Variants in PRRC2C observed in about 807,000 individuals in gnomAD.
PRRC2C encodes protein PRRC2C.
In PRRC2C, 72 loss-of-function variants were observed where a neutral mutation model predicts 317.2. The observed-to-expected ratio is 0.23, with a 90% confidence interval of 0.19 to 0.28. The LOEUF is 0.28. Ranked by LOEUF, PRRC2C falls within the 10% of genes least tolerant of loss-of-function variation. The probability of loss-of-function intolerance (pLI) is 1.00; values close to 1 mark genes in which losing one functional copy is unlikely to be tolerated. For synonymous variants in PRRC2C, 1,296 were observed against 1,205.9 expected (o/e 1.07, Z -1.55); for missense variants, 3,074 against 3,459.7 (o/e 0.89, Z 2.80).
intron 18 of PRRC2C, among the ~76,000 whole-genome samples, 192 bp downstream of exon 18, chr1:171,550,432 A>T (rs911077837): frequency 1.3e-4 from 19 of 150,926 alleles, no homozygotes; most frequent in Non-Finnish European, 2.1e-4. Context: ...TAAGGACTGT[A>T]GCTCCTTATA....
rs537408787 is a variant in PRRC2C at position 171,557,022 on chromosome 1, T to TAG, written c.5128-217_5128-216insGA. Among the ~76,000 whole-genome samples, 109 of 152,358 alleles carry TAG rather than the reference T, an allele frequency of 7.2e-4. 1 individual carries two copies. Among genetic ancestry groups the TAG allele is most frequent in the Non-Finnish European group, 1.2e-3 (79 of 68,042 alleles). ...CTTGAATTTCAGAATTATGTACCTG[T>TAG]ATGTCAAGAATGTACAATACCTATT... On this transcript the variant is annotated intron_variant, in intron 18 of 34. Transcript: ENST00000647382.
chr1:171,517,725 A>G lies in PRRC2C; in HGVS notation c.661A>G (p.Lys221Glu), dbSNP rs1468665660. The change falls in exon 6 of 35, where the codon AAG becomes GAG. Residue 221 changes from lysine to glutamate, a missense_variant. Physicochemically the swap from Lys to Glu is moderately conservative, Grantham distance 56 (BLOSUM62 1). Transcript: ENST00000647382. ...AAATGATATCCTCAAAGTGGTGGAAAAGAGGATAGCTTGTGGTCCTCCACA... is the reference window on the plus strand; with the variant it reads ...AAATGATATCCTCAAAGTGGTGGAAGAGAGGATAGCTTGTGGTCCTCCACA... ...EQNDILKVVE[K>E]RIACGPPQAK... is the part of the protein sequence containing the mutation. The G allele has an allele frequency of 6.2e-7, 1 of 1,613,688 alleles. No homozygotes were observed. Among genetic ancestry groups the G allele is most frequent in the Non-Finnish European group, 8.5e-7 (1 of 1,179,884 alleles).
chr1:171,513,090 A>G lies in PRRC2C; in HGVS notation c.208A>G (p.Lys70Glu). 4.3e-6 allele frequency: 7 copies of G among 1,613,886 alleles called. No homozygotes were observed. The highest frequency in any genetic ancestry group is 5.1e-6 in the Non-Finnish European group (6 of 1,179,816). Residue 70 changes from lysine to glutamate, a missense_variant, in exon 3 of 35, where the codon AAA becomes GAA. This residue lies in a region of PRRC2C where 71 missense variants were observed against 118.9 expected (regional missense o/e 0.60). Transcript: ENST00000647382. ...ANLPSLKAENKGNDPNVNIVP... is the reference protein window; with the variant it reads ...ANLPSLKAENEGNDPNVNIVP... Reference sequence around the variant, plus strand: ...CCTCCCAAGTCTTAAAGCAGAAAACAAAGGCAATGATCCTAATGTAAACAT... The same window carrying G: ...CCTCCCAAGTCTTAAAGCAGAAAACGAAGGCAATGATCCTAATGTAAACAT...
intron 26 of PRRC2C, among the ~76,000 whole-genome samples, chr1:171,578,566 C>G (rs995577376): frequency 2.0e-5 from 3 of 151,888 alleles, no homozygotes; most frequent in Non-Finnish European, 2.9e-5. Context: ...GAACATACTA[C>G]TATATAAAAA....
At chr1:171,492,534 A>C (rs1238250778) in intron 1 of PRRC2C, among the ~76,000 whole-genome samples, 1 of 152,016 alleles carries the variant, frequency 6.6e-6, no homozygotes, top group Non-Finnish European at 1.5e-5. Context: ...GAGTGTCTGC[A>C]CTAAATTCAG....
At chr1:171,523,993 G>A (rs1331238766) in intron 9 of PRRC2C, among the ~76,000 whole-genome samples, 1 of 151,732 alleles carries the variant, frequency 6.6e-6, no homozygotes, top group Non-Finnish European at 1.5e-5. Context: ...CCAAGATCAT[G>A]CCACTGCACT....
chr1:171,557,663 A>G lies in PRRC2C; in HGVS notation c.5551A>G (p.Thr1851Ala), dbSNP rs1328945958. 2 of 1,550,772 alleles carry G rather than the reference A, an allele frequency of 1.3e-6. No individual in the cohort carries two copies. The highest frequency in any genetic ancestry group is 1.7e-6 in the Non-Finnish European group (2 of 1,146,772). ...APTPILASVS[T>A]PASVTILASA... Reference sequence around the variant, plus strand: ...AACCCCCATCCTTGCCTCAGTTTCAACCCCAGCTTCTGTCACCATTCTTGC... The same window carrying G: ...AACCCCCATCCTTGCCTCAGTTTCAGCCCCAGCTTCTGTCACCATTCTTGC... Residue 1851 changes from threonine to alanine, a missense_variant, in exon 19 of 35, where the codon ACC becomes GCC. Transcript: ENST00000647382.
At chr1:171,569,575 A>AAAATATATATATATAT (rs1553241696) in intron 23 of PRRC2C, among the ~76,000 whole-genome samples, 1 of 60,130 alleles carries the variant, frequency 1.7e-5, no homozygotes, top group African/African-American at 5.6e-5. Context: ...AAGTGGTTTA[A>AAAATATATATATATAT]ATATATATAT....
At chr1:171,534,293 T>C (rs1312434597) in intron 12 of PRRC2C, among the ~76,000 whole-genome samples, 1 of 152,100 alleles carries the variant, frequency 6.6e-6, no homozygotes, top group East Asian at 1.9e-4. Context: ...TAAGTACTTA[T>C]GAAGATTGCT....
At chr1:171,528,912 G>T (rs1675242961) in intron 11 of PRRC2C, among the ~76,000 whole-genome samples, 1 of 151,722 alleles carries the variant, frequency 6.6e-6, no homozygotes, top group Non-Finnish European at 1.5e-5. Flanking sequence ...CTGGGCTCAA[G>T]GGGTCCTCTC....
chr1:171,528,774 G>A (rs1321117778), intron 11 of PRRC2C, among the ~76,000 whole-genome samples: 1 of 151,894 alleles, frequency 6.6e-6, no homozygotes, highest in Non-Finnish European at 1.5e-5. Context: ...AATCTCAGCT[G>A]AGTCATTGAC....
At chr1:171,528,976 T>TG (rs1409547353) in intron 11 of PRRC2C, among the ~76,000 whole-genome samples, 1 of 152,066 alleles carries the variant, frequency 6.6e-6, no homozygotes, top group African/African-American at 2.4e-5. Flanking sequence ...GGCTAATTTT[T>TG]TGCAGAGACA....
Position 171,568,476 on chromosome 1 carries a change from G to C in PRRC2C, c.6651+137G>C, listed in dbSNP as rs1684092823. The C allele has an allele frequency of 6.6e-6, 9 of 1,360,640 alleles. No homozygotes were observed. The East Asian group carries it at 2.4e-4, about 36-fold the overall frequency. 84.3% of individuals were successfully genotyped at this position (1,360,640 alleles called of 1,614,324 possible). A position where few individuals can be genotyped will look rare whatever the true frequency, so the allele number is the denominator to read the frequency against. On this transcript the variant is annotated intron_variant, in intron 23 of 34. Transcript: ENST00000647382. ...AGAGTTGATAGTAAATTTGTGTTTAGGAGTACTGTAATATAATTAGCAAAA... is the reference window on the plus strand; with the variant it reads ...AGAGTTGATAGTAAATTTGTGTTTACGAGTACTGTAATATAATTAGCAAAA...
intron 1 of PRRC2C, among the ~76,000 whole-genome samples, chr1:171,500,834 A>C (rs1668967618): frequency 6.6e-6 from 1 of 152,064 alleles, no homozygotes; most frequent in Non-Finnish European, 1.5e-5. Flanking sequence ...CTCCCCCCAA[A>C]AACAAAACTG....
chr1:171,572,314 T>C (rs1416574089), intron 24 of PRRC2C, among the ~76,000 whole-genome samples: 1 of 152,106 alleles, frequency 6.6e-6, no homozygotes, highest in Non-Finnish European at 1.5e-5. Flanking sequence ...TTAAGTCTAT[T>C]TATCTCATTG....
intron 1 of PRRC2C, among the ~76,000 whole-genome samples, chr1:171,496,980 A>G (rs769559875): frequency 6.6e-6 from 1 of 151,786 alleles, no homozygotes; most frequent in Non-Finnish European, 1.5e-5. Context: ...TGGTAGAGAC[A>G]AGGTCTCTCC....
intron 20 of PRRC2C, among the ~76,000 whole-genome samples, chr1:171,562,037 A>G (rs1682812044): frequency 6.6e-6 from 1 of 152,220 alleles, no homozygotes. Context: ...CTGTGGAGAA[A>G]AACGAAGCAG....
At chr1:171,568,176 CA>C (rs1174690412) in intron 22 of PRRC2C, 70 bp from the exon 23 acceptor site, 159 of 1,477,714 alleles carry the variant, frequency 1.1e-4, no homozygotes, top group South Asian at 3.1e-4. Context: ...TAGCGAGACT[CA>C]AAAAAAAGAG....
intron 6 of PRRC2C, among the ~76,000 whole-genome samples, chr1:171,521,542 C>G (rs1041397592): frequency 1.3e-5 from 2 of 152,172 alleles, no homozygotes; most frequent in Non-Finnish European, 2.9e-5. Flanking sequence ...CTCTCTGTCC[C>G]CCTTTTCCAA....
Sources: gnomAD v4.1 joint callset for allele counts (sites outside exome capture counted in the v4.1 genomes callset) on GRCh38, gnomAD v4.1.1 for gene constraint, gnomAD v4.1.1 regional missense constraint, MANE v1.5 for transcripts, NCBI Gene and HGNC (gene_info 2026-07-23, HGNC 2026-07-21) for gene names.